CFAP91: variants seen among roughly 807,000 people sequenced by gnomAD.
The protein encoded by CFAP91 is cilia and flagella associated protein 91, also known as cilia- and flagella-associated protein 91.
CFAP91 carries 85 observed loss-of-function variants against 95.9 expected under a neutral mutation model. The ratio of observed to expected loss-of-function variants is 0.89; its 90% confidence interval spans 0.74 to 1.06. The LOEUF is 1.06. Ranked by LOEUF, CFAP91 falls within the 50% of genes least tolerant of loss-of-function variation. The probability of loss-of-function intolerance (pLI) is 0.00; values close to 1 mark genes in which losing one functional copy is unlikely to be tolerated. For missense variants in CFAP91, 962 were observed against 943.4 expected (o/e 1.02, Z -0.26); for synonymous variants, 335 against 327.5 (o/e 1.02, Z -0.25).
intron 13 of CFAP91, among the ~76,000 whole-genome samples, chr3:119,741,071 C>T (rs543235842): frequency 2.6e-5 from 4 of 152,248 alleles, no homozygotes; most frequent in Admixed American, 6.5e-5. Context: ...AGGCTGGTCT[C>T]GAACTCCTGA....
At chr3:119,758,241 G>A (rs1025586773) in intron 17 of CFAP91, among the ~76,000 whole-genome samples, 2 of 152,098 alleles carry the variant, frequency 1.3e-5, no homozygotes, top group African/African-American at 4.8e-5. Context: ...ACACTGAATG[G>A]CTTTGGAAAT....
intron 14 of CFAP91, among the ~76,000 whole-genome samples, chr3:119,746,480 C>G (rs1559765829): frequency 6.6e-6 from 1 of 152,210 alleles, no homozygotes. Flanking sequence ...CTCTTCTGCT[C>G]CTAGGTCGTA....
chr3:119,703,928 C>T (rs1207854582), intron 1 of CFAP91, among the ~76,000 whole-genome samples: 1 of 149,890 alleles, frequency 6.7e-6, no homozygotes, highest in African/African-American at 2.5e-5. Flanking sequence ...GAACTGTAAC[C>T]AGCTATAAGC....
At chr3:119,760,600 A>G (rs111270066) in intron 17 of CFAP91, among the ~76,000 whole-genome samples, 5 of 151,914 alleles carry the variant, frequency 3.3e-5, no homozygotes, top group African/African-American at 1.2e-4. Flanking sequence ...TCTCAAATAC[A>G]CACAGAACAT....
chr3:119,760,808 TA>T lies in CFAP91; in HGVS notation c.*2-4234del, dbSNP rs978469852. 5.8e-3 allele frequency among the ~76,000 whole-genome samples: 852 copies of T among 145,718 alleles called. 7 individuals carry two copies. Among genetic ancestry groups the T allele is most frequent in the African/African-American group, 0.02 (787 of 39,930 alleles). The stretch of plus-strand genomic sequence containing the variant: ...TCAAAGAAGAAATGAAAAGGGAAAT[TA>T]AAAAAAAAACCTTGAGGCAAATGAA... On this transcript the variant is annotated intron_variant, in intron 17 of 17. Transcript: ENST00000273390.
Position 119,719,790 on chromosome 3 carries a change from A to G in CFAP91, c.682+4047A>G, listed in dbSNP as rs999317837. 1.3e-5 allele frequency among the ~76,000 whole-genome samples: 2 copies of G among 152,316 alleles called. 1 individual carries two copies. The highest frequency in any genetic ancestry group is 4.1e-4 in the South Asian group (2 of 4,826). On this transcript the variant is annotated intron_variant, in intron 6 of 17. Transcript: ENST00000273390. The stretch of plus-strand genomic sequence containing the variant: ...TAAGAAATACGAGAGTGCTATGAAT[A>G]TCTTTTGCCCTATATTTAAAAACTT...
intron 14 of CFAP91, among the ~76,000 whole-genome samples, chr3:119,746,086 C>T (rs2054214498): frequency 1.3e-5 from 2 of 152,198 alleles, no homozygotes; most frequent in African/African-American, 4.8e-5. Flanking sequence ...TTTCTATATA[C>T]ATACACCTGT....
At chr3:119,705,690 A>C (rs1160500327) in intron 1 of CFAP91, among the ~76,000 whole-genome samples, 1 of 152,076 alleles carries the variant, frequency 6.6e-6, no homozygotes, top group Non-Finnish European at 1.5e-5. Context: ...CAACCCTCAA[A>C]TTCTAATGTG....
At chr3:119,747,981 AAC>A in intron 16 of CFAP91, 79 bp downstream of exon 16, 1 of 1,115,994 alleles carries the variant, frequency 9.0e-7, no homozygotes, top group Non-Finnish European at 1.3e-6. Flanking sequence ...TTTAAAATTA[AAC>A]AGAGGGATGA....
chr3:119,760,468 G>C (rs934189242), intron 17 of CFAP91, among the ~76,000 whole-genome samples: 1 of 151,686 alleles, frequency 6.6e-6, no homozygotes, highest in Non-Finnish European at 1.5e-5. Flanking sequence ...TTTCAGCAAT[G>C]AACAGAACAT....
intron 11 of CFAP91, among the ~76,000 whole-genome samples, chr3:119,737,892 G>A (rs948148481): frequency 6.6e-6 from 1 of 152,154 alleles, no homozygotes; most frequent in Non-Finnish European, 1.5e-5. Context: ...TTCTGGGGTG[G>A]GAATGACTCA....
At position 119,703,213 on chromosome 3, in the gene CFAP91, T is replaced by C; in HGVS notation, c.115T>C (p.Phe39Leu). Residue 39 changes from phenylalanine to leucine, a missense_variant, in exon 1 of 18, where the codon TTT becomes CTT. By Grantham distance (22) the Phe-to-Leu change is conservative. Coordinates refer to ENST00000273390, the MANE Select transcript of CFAP91 (RefSeq NM_033364.4). ...CATCTCCTCCAATCGAGCGTATGAT[T>C]TTCTGTACGGTAAGGACCGCCGCAG... Reference protein sequence around the residue: ...SHISSNRAYDFLYDPLFIVSS... With the variant: ...SHISSNRAYDLLYDPLFIVSS... The C allele has an allele frequency of 1.2e-6, 2 of 1,612,248 alleles. No individual in the cohort carries two copies. The highest frequency in any genetic ancestry group is 1.7e-6 in the Non-Finnish European group (2 of 1,179,262).
intron 1 of CFAP91, chr3:119,705,870 T>G (rs2053349497): frequency 6.6e-6 from 1 of 152,234 alleles, no homozygotes; most frequent in Non-Finnish European, 1.5e-5. Flanking sequence ...TTTTCAGCCT[T>G]GGTGGGAATA....
intron 1 of CFAP91, among the ~76,000 whole-genome samples, chr3:119,705,500 G>C (rs1016572432): frequency 4.6e-5 from 7 of 152,012 alleles, no homozygotes; most frequent in Admixed American, 6.6e-5. Context: ...TAGGGACTTT[G>C]CTGTTCTTCA....
intron 6 of CFAP91, 93 bp from the exon 7 acceptor site, chr3:119,726,078 G>A: frequency 1.8e-6 from 2 of 1,086,016 alleles, no homozygotes; most frequent in Non-Finnish European, 2.6e-6. Context: ...TGAATTTGGA[G>A]AAGAGGAAAG....
At chr3:119,743,323 G>A (rs2054157476) in intron 13 of CFAP91, among the ~76,000 whole-genome samples, 1 of 151,868 alleles carries the variant, frequency 6.6e-6, no homozygotes, top group African/African-American at 2.4e-5. Context: ...TCTCCATATT[G>A]GCCAGGCTGG....
chr3:119,707,695 T>G (rs948549247), intron 3 of CFAP91, 134 bp downstream of exon 3: 17 of 499,994 alleles, frequency 3.4e-5, no homozygotes, highest in Non-Finnish European at 4.7e-5. Flanking sequence ...TAAACCTCTT[T>G]TGACCAAACA....
intron 6 of CFAP91, among the ~76,000 whole-genome samples, chr3:119,719,179 A>G (rs939311513): frequency 8.5e-5 from 13 of 152,248 alleles, no homozygotes; most frequent in Admixed American, 2.0e-4. Flanking sequence ...AATGCTGAAC[A>G]AAATAAGATA....
chr3:119,729,779 T>C (rs2053858881), intron 7 of CFAP91, among the ~76,000 whole-genome samples: 1 of 152,182 alleles, frequency 6.6e-6, no homozygotes, highest in Non-Finnish European at 1.5e-5. Context: ...GAAACAAACA[T>C]TTGTTGAGTA....
Sources: allele counts gnomAD v4.1 joint callset (sites outside exome capture counted in the v4.1 genomes callset), GRCh38; gene constraint gnomAD v4.1.1; transcripts MANE v1.5; gene names NCBI Gene and HGNC (gene_info 2026-07-23, HGNC 2026-07-21).